The following FREM1 variants were observed in gnomAD, a reference collection of about 807,000 sequenced individuals.
FREM1 encodes the protein FRAS1-related extracellular matrix protein 1.
FREM1 carries 220 observed loss-of-function variants against 210.1 expected under a neutral mutation model. That is an observed-to-expected ratio of 1.05 (90% CI 0.94 to 1.17). The LOEUF (loss-of-function observed/expected upper bound fraction) is 1.17. Ranked by LOEUF, FREM1 falls within the 50% of genes most tolerant of loss-of-function variation. The pLI, the probability that FREM1 is intolerant of heterozygous loss-of-function variation, is 0.00. For synonymous variants in FREM1, 1,189 were observed against 980.2 expected, an observed-to-expected ratio of 1.21 and a Z score of -3.98; for missense variants, 3,454 against 2,675.5, an observed-to-expected ratio of 1.29 and a Z score of -6.42.
At chr9:14,838,604 C>T (rs930289861) in intron 10 of FREM1, among the ~76,000 whole-genome samples, 1 of 152,138 alleles carries the variant, frequency 6.6e-6, no homozygotes, top group Non-Finnish European at 1.5e-5. Context: ...TCACTCCCTC[C>T]CTAGTCCCTA....
chr9:14,906,940 G>A (rs1282270386), intron 1 of FREM1, among the ~76,000 whole-genome samples: 1 of 152,190 alleles, frequency 6.6e-6, no homozygotes, highest in Non-Finnish European at 1.5e-5. Flanking sequence ...AGAGTGAAAA[G>A]TGACATGCAA....
intron 1 of FREM1, among the ~76,000 whole-genome samples, chr9:14,883,849 A>G (rs7048511): frequency 0.63 from 96,344 of 152,126 alleles, 33,264 homozygotes; most frequent in African/African-American, 0.91. Flanking sequence ...GGGCACCCTC[A>G]GGGTCGGCAG....
In FREM1 at chr9:14,784,549, G is replaced by A. The variant is rs773027758; in HGVS notation, c.4263C>T (p.Asp1421=). 36 of 1,613,234 alleles carry A rather than the reference G, an allele frequency of 2.2e-5. No individual in the cohort carries two copies. The highest frequency in any genetic ancestry group is 1.3e-4 in the Admixed American group (8 of 59,920). Residue 1421 remains aspartate (D), a synonymous_variant, in exon 24 of 37, where the codon GAC becomes GAT. Coordinates refer to ENST00000380880, the MANE Select transcript of FREM1 (RefSeq NM_001379081.2). ...GCAGTTCCTCAGGCTTGTCTGTTCC[G>A]TCCACAGCCAGGAGCGTGGTGGTTG... ...FLTTTTLLAV[D]GTDKPEELLY... is the part of the protein sequence containing the mutation.
intron 8 of FREM1, among the ~76,000 whole-genome samples, chr9:14,843,146 T>C (rs995626813): frequency 6.6e-6 from 1 of 152,214 alleles, no homozygotes; most frequent in African/African-American, 2.4e-5. Context: ...GAATGCTCTG[T>C]CTCTTCTGGA....
chr9:14,750,824 T>C (rs7022537), intron 29 of FREM1, among the ~76,000 whole-genome samples: 9,412 of 152,202 alleles, frequency 0.062, 956 homozygotes, highest in African/African-American at 0.21. Context: ...ACTCAGTAGT[T>C]TGATATCCTC....
intron 24 of FREM1, chr9:14,784,146 A>G: frequency 2.3e-6 from 1 of 440,736 alleles, no homozygotes; most frequent in East Asian, 3.4e-5. Context: ...ACAGTAAAAG[A>G]AAAACACAGC....
chr9:14,740,745 G>A (rs187512871), intron 35 of FREM1, among the ~76,000 whole-genome samples: 2 of 152,286 alleles, frequency 1.3e-5, no homozygotes, highest in East Asian at 3.9e-4. Flanking sequence ...TCAATGAAAT[G>A]AGTATAGCCC....
chr9:14,820,888 C>T (rs1821176585), intron 13 of FREM1, among the ~76,000 whole-genome samples: 1 of 152,156 alleles, frequency 6.6e-6, no homozygotes, highest in Admixed American at 6.5e-5. Flanking sequence ...TCCATGCTTG[C>T]CAACCTCATT....
At chr9:14,817,441 A>T (rs1820505116) in intron 14 of FREM1, among the ~76,000 whole-genome samples, 1 of 152,122 alleles carries the variant, frequency 6.6e-6, no homozygotes, top group Non-Finnish European at 1.5e-5. Flanking sequence ...AATCTCTTAG[A>T]CTTAAAAAAT....
At chr9:14,863,157 C>T (rs1400690632) in intron 3 of FREM1, among the ~76,000 whole-genome samples, 8 of 151,808 alleles carry the variant, frequency 5.3e-5, no homozygotes, top group African/African-American at 1.7e-4. Context: ...CTGGCTAACA[C>T]GGTGAAACCC....
intron 1 of FREM1, among the ~76,000 whole-genome samples, chr9:14,885,636 G>C (rs541429769): frequency 1.4e-4 from 21 of 152,188 alleles, no homozygotes; most frequent in Admixed American, 1.2e-3. Flanking sequence ...TGCCCAGGCT[G>C]GTCTTGAACT....
At chr9:14,757,054 G>C (rs556235636) in intron 28 of FREM1, among the ~76,000 whole-genome samples, 1 of 152,290 alleles carries the variant, frequency 6.6e-6, no homozygotes, top group Non-Finnish European at 1.5e-5. Flanking sequence ...AGACAAAGGA[G>C]ATCCACACCC....
At chr9:14,829,942 G>C (rs905688529) in intron 10 of FREM1, among the ~76,000 whole-genome samples, 1 of 152,154 alleles carries the variant, frequency 6.6e-6, no homozygotes, top group East Asian at 1.9e-4. Flanking sequence ...ACCAGAAAAC[G>C]AGGAAAGAAT....
At chr9:14,906,519 G>A (rs980693298) in intron 1 of FREM1, among the ~76,000 whole-genome samples, 1 of 152,148 alleles carries the variant, frequency 6.6e-6, no homozygotes, top group Non-Finnish European at 1.5e-5. Flanking sequence ...GAAAAAATCT[G>A]TACTATGAAA....
In FREM1 at chr9:14,824,725, ATT is replaced by A; in HGVS notation, c.2078+69_2078+70del. ...AAACCACAGTACTATATATATATAT[ATT>A]GCTCTATATTGACACTTTCAACTTT... On this transcript the variant is annotated intron_variant, in intron 11 of 36. Coordinates refer to ENST00000380880, the MANE Select transcript of FREM1 (RefSeq NM_001379081.2). 3 of 938,132 alleles carry A rather than the reference ATT, an allele frequency of 3.2e-6. No individual in the cohort carries two copies. In the South Asian group the frequency reaches 4.3e-5, roughly 13 times the overall value. The allele number at this position is 938,132 out of a possible 1,614,324, so 58.1% of individuals were successfully genotyped here. A position where few individuals can be genotyped will look rare whatever the true frequency, so the allele number is the denominator to read the frequency against.
In FREM1 at chr9:14,868,761, C is replaced by T. The variant is rs756710800; in HGVS notation, c.217G>A (p.Gly73Arg). 6.2e-7 allele frequency: 1 copy of T among 1,610,086 alleles called. No individual in the cohort carries two copies. The highest frequency in any genetic ancestry group is 8.5e-7 in the Non-Finnish European group (1 of 1,177,592). Residue 73 changes from glycine (G) to arginine (R), a missense_variant, in exon 2 of 37, where the codon GGG becomes AGG. By Grantham distance (125) the Gly-to-Arg change is moderately radical (BLOSUM62 -2). Transcript: ENST00000380880. Reference sequence around the variant, plus strand: ...GGACCTACCTGTGGAGTGAGTTTCCCAACCCTCTGGGTTATTGGCTCATTC... The same window carrying T: ...GGACCTACCTGTGGAGTGAGTTTCCTAACCCTCTGGGTTATTGGCTCATTC... Reference protein sequence around the residue: ...VMNEPITQRVGKLTPQVFDCH... With the variant: ...VMNEPITQRVRKLTPQVFDCH...
chr9:14,861,054 CATATAT>C (rs1283869533), intron 3 of FREM1, among the ~76,000 whole-genome samples: 4 of 71,676 alleles, frequency 5.6e-5, no homozygotes, highest in African/African-American at 3.0e-4. Context: ...TACATATATA[CATATAT>C]ACACATATAC....
rs753755234 is a variant in FREM1, at chr9:14,756,399, T to C, written c.5382A>G (p.Pro1794=). ...AAVGKDFTVI[P]SKLIQFDPGM... is the part of the protein sequence containing the mutation. ...CTGGGTCAAACTGAATCAGTTTAGA[T>C]GGAATCACGGTGAAATCTTTTCCAA... Residue 1794 remains proline, a synonymous_variant, in exon 29 of 37, where the codon CCA becomes CCG. Coordinates refer to ENST00000380880, the MANE Select transcript of FREM1 (RefSeq NM_001379081.2). 9 of 1,602,196 alleles carry C rather than the reference T, an allele frequency of 5.6e-6. No homozygotes were observed. The East Asian group carries it at 2.0e-4, about 36-fold the overall frequency.
At chr9:14,758,542 T>C (rs139183507) in intron 28 of FREM1, among the ~76,000 whole-genome samples, 4 of 152,204 alleles carry the variant, frequency 2.6e-5, no homozygotes, top group South Asian at 2.1e-4. Context: ...GAAAGATAAA[T>C]ACTGAGCCTG....
Sources: gnomAD v4.1 joint callset for allele counts (sites outside exome capture counted in the v4.1 genomes callset) on GRCh38, gnomAD v4.1.1 for gene constraint, MANE v1.5 for transcripts, NCBI Gene and HGNC (gene_info 2026-07-23, HGNC 2026-07-21) for gene names.